The following CALN1 variants were observed in gnomAD, a reference collection of about 807,000 sequenced individuals.
CALN1 encodes calneuron 1, also known as calcium-binding protein 8.
CALN1 carries 17 observed loss-of-function variants against 30.6 expected under a neutral mutation model. That is an observed-to-expected ratio of 0.56 (90% CI 0.38 to 0.83). CALN1 has a LOEUF of 0.83. Ranked by LOEUF, CALN1 falls within the 40% of genes least tolerant of loss-of-function variation. The pLI is 0.00. For missense variants in CALN1, 291 were observed against 354.9 expected, an observed-to-expected ratio of 0.82 and a Z score of 1.45; for synonymous variants, 156 against 131.4, an observed-to-expected ratio of 1.19 and a Z score of -1.28.
intron 5 of CALN1, among the ~76,000 whole-genome samples, chr7:71,944,561 T>C (rs1473405490): frequency 8.8e-6 from 1 of 113,768 alleles, no homozygotes; most frequent in Non-Finnish European, 1.6e-5. Flanking sequence ...GCCATTGCAC[T>C]CCAGCCTGGG....
chr7:72,244,847 C>T (rs1188235387), intron 3 of CALN1, among the ~76,000 whole-genome samples: 1 of 152,080 alleles, frequency 6.6e-6, no homozygotes, highest in East Asian at 1.9e-4. Flanking sequence ...TAACTTGGTG[C>T]TCAACTTCAG....
intron 2 of CALN1, among the ~76,000 whole-genome samples, chr7:72,320,980 G>A (rs924868849): frequency 2.6e-5 from 4 of 151,996 alleles, no homozygotes; most frequent in Admixed American, 1.3e-4. Context: ...GGGGTTAGGT[G>A]CCCTCATCCA....
chr7:72,336,919 A>ACG lies in CALN1; in HGVS notation c.120-58111_120-58110dup, dbSNP rs558227455. The ACG allele has an allele frequency of 3.6e-3, 3,566 of 983,184 alleles. 16 individuals carry two copies. The highest frequency in any genetic ancestry group is 4.2e-3 in the Admixed American group (68 of 16,134). 60.9% of individuals were successfully genotyped at this position (983,184 alleles called of 1,614,324 possible). A position where few individuals can be genotyped will look rare whatever the true frequency, so the allele number is the denominator to read the frequency against. On this transcript the variant is annotated intron_variant, in intron 2 of 6. Coordinates refer to ENST00000395275, the MANE Select transcript of CALN1 (RefSeq NM_031468.4). ...CCTCGGCGCCCCCGGGCCGCTCCCC[A>ACG]CGCGCGCGCCGGGACCTGCACGAGC...
At chr7:72,050,359 C>T (rs376835613) in intron 4 of CALN1, among the ~76,000 whole-genome samples, 1 of 151,896 alleles carries the variant, frequency 6.6e-6, no homozygotes, top group Admixed American at 6.6e-5. Context: ...AGATAATATA[C>T]AGAATGCTGT....
rs1554319582 is a variant in CALN1, at chr7:72,205,551, A to ATATATATACATACATATAT, written c.244+73134_244+73135insATATATGTATGTATATATA. On this transcript the variant is annotated intron_variant, in intron 3 of 6. Transcript: ENST00000395275. ...ATTTTTCTCCTGATTGCAAAAAAAAAATATATATATATATATGTATATATA... is the reference window on the plus strand; with the variant it reads ...ATTTTTCTCCTGATTGCAAAAAAAAATATATATACATACATATATATATATATATATATATGTATATATA... Among the ~76,000 whole-genome samples the ATATATATACATACATATAT allele has an allele frequency of 1.0e-3, 86 of 83,042 alleles. 4 individuals carry two copies. Among genetic ancestry groups the ATATATATACATACATATAT allele is most frequent in the African/African-American group, 6.2e-3 (83 of 13,442 alleles). The allele number at this position is 83,042 out of a possible 152,430, so 54.5% of individuals were successfully genotyped here. A position where few individuals can be genotyped will look rare whatever the true frequency, so the allele number is the denominator to read the frequency against.
rs1470656912 is a variant in CALN1, at chr7:71,922,667, A to AGAATATATTATATATAAATATAT, written c.501+100989_501+100990insATATATTTATATATAATATATTC. On this transcript the variant is annotated intron_variant, in intron 5 of 6. Coordinates refer to ENST00000395275, the MANE Select transcript of CALN1 (RefSeq NM_031468.4). ...AATATATTATATATAAATATATAAC[A>AGAATATATTATATATAAATATAT]TACAGAATATATTATATATAAATAT... Among the ~76,000 whole-genome samples the AGAATATATTATATATAAATATAT allele has an allele frequency of 4.2e-3, 559 of 134,232 alleles. 18 individuals are homozygous for AGAATATATTATATATAAATATAT. Among genetic ancestry groups the AGAATATATTATATATAAATATAT allele is most frequent in the African/African-American group, 0.015 (503 of 33,468 alleles). The allele number at this position is 134,232 out of a possible 152,430, so 88.1% of individuals were successfully genotyped here.
intron 3 of CALN1, among the ~76,000 whole-genome samples, chr7:72,240,183 G>T (rs1794737005): frequency 6.8e-6 from 1 of 147,326 alleles, no homozygotes; most frequent in South Asian, 2.1e-4. Context: ...GAAACACTTG[G>T]GGAAATTTCT....
intron 3 of CALN1, among the ~76,000 whole-genome samples, chr7:72,273,368 G>A (rs1232608851): frequency 7.3e-6 from 1 of 137,882 alleles, no homozygotes; most frequent in Non-Finnish European, 1.5e-5. Flanking sequence ...GTTGCAGTGA[G>A]CCAAGATTGC....
intron 5 of CALN1, among the ~76,000 whole-genome samples, chr7:71,945,765 A>C (rs917928754): frequency 1.2e-4 from 18 of 152,346 alleles, no homozygotes; most frequent in African/African-American, 4.3e-4. Context: ...ATGATGTGTA[A>C]TTACACGTTG....
chr7:72,109,819 C>T (rs1030528606), intron 3 of CALN1, among the ~76,000 whole-genome samples: 2 of 152,232 alleles, frequency 1.3e-5, no homozygotes, highest in African/African-American at 4.8e-5. Context: ...GCGCCAAGCG[C>T]CAGCTCTGCT....
chr7:72,147,612 G>A (rs572866363), intron 3 of CALN1, among the ~76,000 whole-genome samples: 142 of 152,026 alleles, frequency 9.3e-4, no homozygotes, highest in African/African-American at 3.1e-3. Flanking sequence ...ATACCCAAAG[G>A]ATTATAAATC....
intron 1 of CALN1, among the ~76,000 whole-genome samples, chr7:72,408,770 G>A (rs975428189): frequency 3.8e-5 from 5 of 132,286 alleles, no homozygotes; most frequent in South Asian, 2.5e-4. Context: ...TCAACCTCCC[G>A]GGCTCAAGTG....
At chr7:72,046,186 G>A (rs1305606403) in intron 4 of CALN1, among the ~76,000 whole-genome samples, 1 of 151,870 alleles carries the variant, frequency 6.6e-6, no homozygotes, top group Non-Finnish European at 1.5e-5. Flanking sequence ...GGGGGTACAT[G>A]CCGACAGTCA....
At chr7:72,209,923 T>G (rs562123262) in intron 3 of CALN1, among the ~76,000 whole-genome samples, 16 of 152,280 alleles carry the variant, frequency 1.1e-4, no homozygotes, top group Middle Eastern at 6.8e-3. Flanking sequence ...TTGGTACACT[T>G]TTCTGTACCT....
chr7:72,064,118 C>T (rs941366190), intron 4 of CALN1, among the ~76,000 whole-genome samples: 1 of 151,644 alleles, frequency 6.6e-6, no homozygotes, highest in African/African-American at 2.4e-5. Context: ...TACGTCTCTA[C>T]TACAAATACA....
At chr7:72,003,448 G>C (rs974199232) in intron 5 of CALN1, among the ~76,000 whole-genome samples, 11 of 152,186 alleles carry the variant, frequency 7.2e-5, no homozygotes, top group African/African-American at 2.4e-4. Flanking sequence ...GAACTGGACT[G>C]CACAGCAGAG....
chr7:72,219,910 G>T (rs1397067330), intron 3 of CALN1, among the ~76,000 whole-genome samples: 3 of 151,850 alleles, frequency 2.0e-5, no homozygotes, highest in Non-Finnish European at 4.4e-5. Context: ...TGATATCAAA[G>T]GATGCAGAAA....
intron 2 of CALN1, among the ~76,000 whole-genome samples, chr7:72,290,305 G>T (rs1184384076): frequency 6.6e-6 from 1 of 151,738 alleles, no homozygotes; most frequent in African/African-American, 2.4e-5. Flanking sequence ...ACATTCCATT[G>T]TTCACTCTCC....
At chr7:72,318,757 G>A (rs1293005318) in intron 2 of CALN1, among the ~76,000 whole-genome samples, 1 of 106,810 alleles carries the variant, frequency 9.4e-6, no homozygotes, top group Non-Finnish European at 1.7e-5. Flanking sequence ...TCGCTATGTT[G>A]CCCAGACTAG....
Sources: allele counts gnomAD v4.1 joint callset (sites outside exome capture counted in the v4.1 genomes callset), GRCh38; gene constraint gnomAD v4.1.1; transcripts MANE v1.5; gene names NCBI Gene and HGNC (gene_info 2026-07-23, HGNC 2026-07-21).